Variants in SMIM18 observed in about 807,000 individuals in gnomAD.
The protein encoded by SMIM18 is small integral membrane protein 18.
Under a neutral mutation model 5.9 loss-of-function variants are expected in SMIM18, and 4 were observed. The observed-to-expected ratio is 0.68, with a 90% CI of 0.33 to 1.56. The LOEUF (loss-of-function observed/expected upper bound fraction) is 1.56, where lower values mean the gene tolerates loss of function less well. SMIM18 is among the 40% of genes most tolerant of loss of function. The probability of loss-of-function intolerance (pLI) is 0.06; values close to 1 mark genes in which losing one functional copy is unlikely to be tolerated. For synonymous variants in SMIM18, 37 were observed against 37.4 expected (o/e 0.99, Z 0.04); for missense variants, 89 against 109.7 (o/e 0.81, Z 0.84).
rs1238604843 is a variant in SMIM18, at chr8:30,645,299, A to C, written c.-11A>C. ...TTTATAGATTCAAAAGAGCAAGTGG[A>C]ATCTCTAAGAATGGCTTCCAGCCAC... On this transcript the variant is annotated 5_prime_UTR_variant, in exon 3 of 3. Coordinates refer to ENST00000517349, the MANE Select transcript of SMIM18 (RefSeq NM_001206847.2). 3 of 1,528,884 alleles carry C rather than the reference A, an allele frequency of 2.0e-6. No homozygotes were observed. The South Asian group carries it at 3.6e-5, about 18-fold the overall frequency. 94.7% of individuals were successfully genotyped at this position (1,528,884 alleles called of 1,614,324 possible).
chr8:30,645,540 C>G lies in SMIM18; in HGVS notation c.231C>G (p.Pro77=), dbSNP rs1161058491. ...CCGTGAAAGACTTGAAAAGTGAACC[C>G]AACCCTCTTAGAAGTATGATGGACA... The part of the protein sequence containing the change: ...NKTVKDLKSE[P]NPLRSMMDNI... The change falls in exon 3 of 3, where the codon CCC becomes CCG. Residue 77 remains proline (P), a synonymous_variant. Coordinates refer to ENST00000517349, the MANE Select transcript of SMIM18 (RefSeq NM_001206847.2). 34 of 1,535,508 alleles carry G rather than the reference C, an allele frequency of 2.2e-5. No individual in the cohort carries two copies. Among genetic ancestry groups the G allele is most frequent in the Non-Finnish European group, 3.0e-5 (34 of 1,146,890 alleles).
In SMIM18 at chr8:30,645,358, C is replaced by T. The variant is rs921183460; in HGVS notation, c.49C>T (p.Leu17Phe). 2 of 1,535,548 alleles carry T rather than the reference C, an allele frequency of 1.3e-6. No homozygotes were observed. The highest frequency in any genetic ancestry group is 2.7e-5 in the African/African-American group (2 of 73,048). Residue 17 changes from leucine to phenylalanine, a missense_variant, in exon 3 of 3, where the codon CTT becomes TTT. Transcript: ENST00000517349. ...AACCACTACCTCTGTTTATCAGTAC[C>T]TTGGTTTTCAAGTTCAAAAAATTTA... ...NETTTSVYQY[L>F]GFQVQKIYPF... is the part of the protein sequence containing the mutation.
Position 30,645,532 on chromosome 8 carries a change from A to T in SMIM18, c.223A>T (p.Ser75Cys), listed in dbSNP as rs779604816. ...VKNKTVKDLK[S>C]EPNPLRSMMD... ...AAACAAAACCGTGAAAGACTTGAAA[A>T]GTGAACCCAACCCTCTTAGAAGTAT... The change falls in exon 3 of 3, where the codon AGT (serine) becomes TGT (cysteine). Residue 75 changes from serine (S) to cysteine (C), a missense_variant. Physicochemically the swap from Ser to Cys is moderately radical, Grantham distance 112. Coordinates refer to ENST00000517349, the MANE Select transcript of SMIM18 (RefSeq NM_001206847.2). The T allele has an allele frequency of 6.5e-7, 1 of 1,535,726 alleles. No individual in the cohort carries two copies. The highest frequency in any genetic ancestry group is 1.2e-5 in the South Asian group (1 of 84,062).
At chr8:30,641,409 C>T (rs1427595893) in intron 1 of SMIM18, among the ~76,000 whole-genome samples, 2 of 152,146 alleles carry the variant, frequency 1.3e-5, no homozygotes, top group Non-Finnish European at 2.9e-5. Context: ...ATCACCCAGG[C>T]GGGAGTGCAA....
At chr8:30,640,139 AACTG>A (rs566178004) in intron 1 of SMIM18, among the ~76,000 whole-genome samples, 64 of 152,274 alleles carry the variant, frequency 4.2e-4, no homozygotes, top group African/African-American at 1.4e-3. Context: ...TGTTTCACCA[AACTG>A]ACTGGAGACA....
intron 1 of SMIM18, among the ~76,000 whole-genome samples, chr8:30,641,904 T>G (rs778196125): frequency 6.6e-6 from 1 of 152,050 alleles, no homozygotes; most frequent in Non-Finnish European, 1.5e-5. Context: ...TGTGCTCAAG[T>G]GATCCTCCTG....
At chr8:30,645,165 T>C in intron 2 of SMIM18, 116 bp from the exon 3 acceptor site, 1 of 891,558 alleles carries the variant, frequency 1.1e-6, no homozygotes. Context: ...CATTTAGGCA[T>C]TAATTAAGGA....
intron 1 of SMIM18, among the ~76,000 whole-genome samples, chr8:30,642,317 G>C (rs1484163301): frequency 7.4e-6 from 1 of 135,630 alleles, no homozygotes; most frequent in Non-Finnish European, 1.6e-5. Context: ...AAAAGGAAAG[G>C]AATAAAAGAA....
intron 1 of SMIM18, among the ~76,000 whole-genome samples, chr8:30,640,710 A>G (rs1016404353): frequency 6.6e-6 from 1 of 152,074 alleles, no homozygotes; most frequent in Non-Finnish European, 1.5e-5. Context: ...ATGTATTTCT[A>G]TTTTTTGGCG....
chr8:30,645,206 GA>G, intron 2 of SMIM18, 74 bp from the exon 3 acceptor site: 1 of 1,232,406 alleles, frequency 8.1e-7, no homozygotes, highest in Non-Finnish European at 1.1e-6. Flanking sequence ...AATTTACTAA[GA>G]AATCTTAGTA....
Position 30,645,252 on chromosome 8 carries a change from C to T in SMIM18, c.-29-29C>T, listed in dbSNP as rs1011234680. On this transcript the variant is annotated intron_variant, in intron 2 of 2. Coordinates refer to ENST00000517349, the MANE Select transcript of SMIM18 (RefSeq NM_001206847.2). Reference sequence around the variant, plus strand: ...GAATTAACAGATCTGTAGTTTGCTACATAAATTCATTTTCTACCTTTTTTA... The same window carrying T: ...GAATTAACAGATCTGTAGTTTGCTATATAAATTCATTTTCTACCTTTTTTA... 2.4e-5 allele frequency: 35 copies of T among 1,465,612 alleles called. No individual in the cohort carries two copies. In the Admixed American group the frequency reaches 3.6e-4, roughly 15 times the overall value. 90.8% of individuals were successfully genotyped at this position (1,465,612 alleles called of 1,614,324 possible).
chr8:30,645,557 T>C lies in SMIM18; in HGVS notation c.248T>C (p.Met83Thr). The change falls in exon 3 of 3, where the codon ATG becomes ACG. Residue 83 changes from methionine (M) to threonine (T), a missense_variant. Met to Thr is a moderately conservative substitution (Grantham distance 81). Transcript: ENST00000517349. Reference protein sequence around the residue: ...LKSEPNPLRSMMDNIRKRETE... With the variant: ...LKSEPNPLRSTMDNIRKRETE... The stretch of plus-strand genomic sequence containing the variant: ...AGTGAACCCAACCCTCTTAGAAGTA[T>C]GATGGACAACATCAGAAAACGTGAA... The C allele has an allele frequency of 2.6e-6, 4 of 1,535,666 alleles. No homozygotes were observed. The highest frequency in any genetic ancestry group is 3.5e-6 in the Non-Finnish European group (4 of 1,146,894).
Position 30,645,746 on chromosome 8 carries a change from T to A in SMIM18, c.*149T>A. 1 of 724,104 alleles carries A rather than the reference T, an allele frequency of 1.4e-6. No homozygotes were observed. Among genetic ancestry groups the A allele is most frequent in the Admixed American group, 3.0e-5 (1 of 33,874 alleles). 44.9% of individuals were successfully genotyped at this position (724,104 alleles called of 1,614,324 possible). A position where few individuals can be genotyped will look rare whatever the true frequency, so the allele number is the denominator to read the frequency against. The stretch of plus-strand genomic sequence containing the variant: ...TAGAAGGGGAAAAAAAAGTTAAACA[T>A]GCACTGTTTGTGTGTATAGCCATTT... On this transcript the variant is annotated 3_prime_UTR_variant, in exon 3 of 3. Coordinates refer to ENST00000517349, the MANE Select transcript of SMIM18 (RefSeq NM_001206847.2).
Position 30,645,483 on chromosome 8 carries a change from G to C in SMIM18, c.174G>C (p.Val58=). 1 of 1,535,598 alleles carries C rather than the reference G, an allele frequency of 6.5e-7. No individual in the cohort carries two copies. The highest frequency in any genetic ancestry group is 1.4e-5 in the African/African-American group (1 of 73,120). ...TGGTGCTGGCTTTCCTTTATGAAGT[G>C]CTTGACTGCTGCTGCTGTGTAAAAA... ...SLVVLAFLYE[V]LDCCCCVKNK... Residue 58 remains valine (V), a synonymous_variant, in exon 3 of 3, where the codon GTG becomes GTC. Transcript: ENST00000517349.
Position 30,645,384 on chromosome 8 carries a change from C to A in SMIM18, c.75C>A (p.Tyr25Ter). ...TTGGTTTTCAAGTTCAAAAAATTTACCCTTTCCATGACAACTGGAACACTG... is the reference window on the plus strand; with the variant it reads ...TTGGTTTTCAAGTTCAAAAAATTTAACCTTTCCATGACAACTGGAACACTG... ...QYLGFQVQKIYPFHDNWNTAC... is the reference protein window; with the variant it reads ...QYLGFQVQKI The change falls in exon 3 of 3, where the codon TAC becomes TAA. Residue 25 changes from tyrosine (Y) to a stop codon, truncating the protein, a stop_gained. Transcript: ENST00000517349. LOFTEE classifies it high-confidence loss of function. 1 of 1,535,688 alleles carries A rather than the reference C, an allele frequency of 6.5e-7. No individual in the cohort carries two copies. The highest frequency in any genetic ancestry group is 8.7e-7 in the Non-Finnish European group (1 of 1,146,906).
rs1436643710 is a variant in SMIM18, at chr8:30,638,641, T to C, written c.-111+2T>C. On this transcript the variant is annotated splice_donor_variant, in intron 1 of 2. Coordinates refer to ENST00000517349, the MANE Select transcript of SMIM18 (RefSeq NM_001206847.2). LOFTEE classifies it low-confidence loss of function (5UTR_SPLICE). ...CAGCAGCATCCTCTCAGACAAGAGG[T>C]AGGTTTATATGATCTTTTTTATTTA... The C allele has an allele frequency of 1.3e-5, 2 of 152,544 alleles. No homozygotes were observed. The highest frequency in any genetic ancestry group is 2.4e-5 in the African/African-American group (1 of 41,430). The allele number at this position is 152,544 out of a possible 1,614,324, so 9.4% of individuals were successfully genotyped here.
intron 1 of SMIM18, among the ~76,000 whole-genome samples, chr8:30,644,219 A>G (rs977728286): frequency 1.3e-5 from 2 of 152,228 alleles, no homozygotes; most frequent in African/African-American, 4.8e-5. Context: ...CAGGTCAACA[A>G]GAGCTAAACT....
intron 1 of SMIM18, among the ~76,000 whole-genome samples, chr8:30,639,763 TTTTG>T (rs938486396): frequency 6.6e-6 from 1 of 151,776 alleles, no homozygotes; most frequent in Non-Finnish European, 1.5e-5. Context: ...TTTAAAGGGT[TTTTG>T]TTTTTTTTTT....
At position 30,645,705 on chromosome 8, in the gene SMIM18, G is replaced by A. The variant is rs1802050089; in HGVS notation, c.*108G>A. The A allele has an allele frequency of 1.8e-6, 2 of 1,137,150 alleles. No homozygotes were observed. The highest frequency in any genetic ancestry group is 1.6e-5 in the African/African-American group (1 of 64,006). The allele number at this position is 1,137,150 out of a possible 1,614,324, so 70.4% of individuals were successfully genotyped here. A position where few individuals can be genotyped will look rare whatever the true frequency, so the allele number is the denominator to read the frequency against. On this transcript the variant is annotated 3_prime_UTR_variant, in exon 3 of 3. Transcript: ENST00000517349. The stretch of plus-strand genomic sequence containing the variant: ...CTACAAAACAAATTCTGACTGAATG[G>A]TTAAAACATTTCTAGTAGAAGGGGA...
Sources: allele counts gnomAD v4.1 joint callset (sites outside exome capture counted in the v4.1 genomes callset), GRCh38; gene constraint gnomAD v4.1.1; transcripts MANE v1.5; gene names NCBI Gene and HGNC (gene_info 2026-07-23, HGNC 2026-07-21).